IGSF11: variants seen among roughly 807,000 people sequenced by gnomAD.
IGSF11 encodes the protein immunoglobulin superfamily member 11.
Under a neutral mutation model 41.0 loss-of-function variants are expected in IGSF11, and 22 were observed. The observed-to-expected ratio is 0.54, with a 90% confidence interval of 0.38 to 0.77. The LOEUF (loss-of-function observed/expected upper bound fraction) is 0.77. Among genes scored for constraint, IGSF11 ranks in the 30% least tolerant of loss-of-function variants. IGSF11 has a pLI of 0.00. For synonymous variants in IGSF11, 219 were observed against 201.3 expected (o/e 1.09, Z -0.74); for missense variants, 444 against 530.8 (o/e 0.84, Z 1.61).
intron 1 of IGSF11, among the ~76,000 whole-genome samples, chr3:119,073,789 C>T (rs1047849957): frequency 6.6e-6 from 1 of 152,184 alleles, no homozygotes; most frequent in Non-Finnish European, 1.5e-5. Context: ...TCTCCCTCCA[C>T]ACCTCCCACA....
At chr3:119,129,787 C>T (rs1010114310) in intron 1 of IGSF11, among the ~76,000 whole-genome samples, 1 of 152,066 alleles carries the variant, frequency 6.6e-6, no homozygotes, top group Non-Finnish European at 1.5e-5. Context: ...GAGTTCCAGA[C>T]CAGCTTGGAA....
intron 1 of IGSF11, among the ~76,000 whole-genome samples, chr3:119,138,397 G>A (rs932696556): frequency 9.9e-5 from 15 of 152,102 alleles, no homozygotes; most frequent in Admixed American, 9.8e-4. Flanking sequence ...CATAAAAAAC[G>A]AATGGGGCCA....
At chr3:119,047,644 G>C (rs1358143446) in intron 1 of IGSF11, among the ~76,000 whole-genome samples, 11 of 152,182 alleles carry the variant, frequency 7.2e-5, no homozygotes, top group Middle Eastern at 3.4e-3. Context: ...GCACCAAGAG[G>C]ACGTAATAGA....
chr3:119,145,526 C>G (rs1284509806), intron 1 of IGSF11, among the ~76,000 whole-genome samples: 1 of 152,232 alleles, frequency 6.6e-6, no homozygotes, highest in African/African-American at 2.4e-5. Context: ...GATTTGGCCT[C>G]CTTCTAACTC....
chr3:118,993,819 T>A (rs768811581), intron 1 of IGSF11, among the ~76,000 whole-genome samples: 7 of 152,132 alleles, frequency 4.6e-5, no homozygotes, highest in African/African-American at 1.7e-4. Context: ...TCTATATAGA[T>A]AGAAACTAGA....
At chr3:118,977,065 G>A (rs1051964807) in intron 1 of IGSF11, among the ~76,000 whole-genome samples, 4 of 152,202 alleles carry the variant, frequency 2.6e-5, no homozygotes, top group Non-Finnish European at 5.9e-5. Flanking sequence ...CATTAGGACA[G>A]TGATCATTTA....
chr3:119,005,321 TCTTCCTCCA>T (rs1937385483), intron 1 of IGSF11, among the ~76,000 whole-genome samples: 2 of 149,290 alleles, frequency 1.3e-5, no homozygotes, highest in Admixed American at 1.3e-4. Flanking sequence ...GCTTGGTAGA[TCTTCCTCCA>T]CCCTTTTATT....
intron 1 of IGSF11, among the ~76,000 whole-genome samples, chr3:118,989,527 A>G (rs1042779388): frequency 6.6e-6 from 1 of 151,880 alleles, no homozygotes; most frequent in Non-Finnish European, 1.5e-5. Flanking sequence ...TAATTTTTGT[A>G]TTTTTAGTAG....
At chr3:118,960,794 A>G (rs1463943925) in intron 1 of IGSF11, among the ~76,000 whole-genome samples, 4 of 152,212 alleles carry the variant, frequency 2.6e-5, no homozygotes, top group Non-Finnish European at 5.9e-5. Flanking sequence ...GTGGTAACAT[A>G]TTACAAATTT....
intron 1 of IGSF11, among the ~76,000 whole-genome samples, chr3:119,139,198 T>C (rs1038784349): frequency 2.0e-5 from 3 of 152,110 alleles, no homozygotes; most frequent in African/African-American, 7.2e-5. Flanking sequence ...AGTTTATATA[T>C]TTCCCGGTAA....
chr3:118,916,372 C>A (rs1941094490), intron 4 of IGSF11, among the ~76,000 whole-genome samples: 1 of 152,068 alleles, frequency 6.6e-6, no homozygotes. Flanking sequence ...ATCTCACGTG[C>A]AGAGATACAC....
In IGSF11 at chr3:119,004,826, G is replaced by C. The variant is rs145321853; in HGVS notation, c.52+29705C>G. Among the ~76,000 whole-genome samples the C allele has an allele frequency of 5.6e-3, 851 of 152,116 alleles. 7 individuals carry two copies. The highest frequency in any genetic ancestry group is 0.019 in the African/African-American group (788 of 41,446). ...AGTTTGATTGCACTGTGGTCTGAGA[G>C]ATAGTTTGTTATAATTTCTGTTCTG... On this transcript the variant is annotated intron_variant, in intron 1 of 6. Transcript: ENST00000393775.
At position 118,952,112 on chromosome 3, in the gene IGSF11, A is replaced by G. The variant is rs61023805; in HGVS notation, c.53-21837T>C. ...TGTAGTCTATTAAGTATGCAGTAGC[A>G]TTATATAAAAACAGTACATATCTTA... On this transcript the variant is annotated intron_variant, in intron 1 of 6. Coordinates refer to ENST00000393775, the MANE Select transcript of IGSF11 (RefSeq NM_001015887.3). 5.0e-3 allele frequency among the ~76,000 whole-genome samples: 764 copies of G among 152,298 alleles called. 5 individuals carry two copies. The highest frequency in any genetic ancestry group is 0.017 in the African/African-American group (719 of 41,584).
intron 1 of IGSF11, chr3:118,947,134 G>A (rs1944212478): frequency 6.6e-6 from 1 of 152,098 alleles, no homozygotes; most frequent in South Asian, 2.1e-4. Context: ...TGAACCCAAC[G>A]CCTATCCTCC....
At chr3:119,031,680 T>C (rs915364514) in intron 1 of IGSF11, among the ~76,000 whole-genome samples, 1 of 152,240 alleles carries the variant, frequency 6.6e-6, no homozygotes, top group Non-Finnish European at 1.5e-5. Flanking sequence ...GTTGAATATA[T>C]ATGTGTATTA....
intron 1 of IGSF11, among the ~76,000 whole-genome samples, chr3:119,066,126 T>C (rs1267796832): frequency 3.3e-5 from 5 of 152,140 alleles, no homozygotes; most frequent in Admixed American, 3.3e-4. Flanking sequence ...CAAGTAACTG[T>C]ATTTCTTTTT....
At chr3:118,989,354 A>G (rs1414793099) in intron 1 of IGSF11, among the ~76,000 whole-genome samples, 1 of 83,442 alleles carries the variant, frequency 1.2e-5, no homozygotes, top group East Asian at 3.5e-4. Context: ...AAACCTTTAT[A>G]GCATTTTTTT....
In IGSF11 at chr3:119,034,671, C is replaced by G; in HGVS notation, c.-89G>C. On this transcript the variant is annotated 5_prime_UTR_variant, in exon 1 of 7. Transcript: ENST00000393775. ...GGCGTGAGTCTCCGCGCTCTTGGGG[C>G]AGCCTGGTCCTCCCACACCCAGCGC... 6.9e-7 allele frequency: 1 copy of G among 1,442,572 alleles called. No homozygotes were observed. Among genetic ancestry groups the G allele is most frequent in the Non-Finnish European group, 9.2e-7 (1 of 1,088,988 alleles). 89.4% of individuals were successfully genotyped at this position (1,442,572 alleles called of 1,614,324 possible).
intron 3 of IGSF11, among the ~76,000 whole-genome samples, chr3:118,926,660 C>T (rs568191190): frequency 1.3e-5 from 2 of 152,142 alleles, no homozygotes; most frequent in Non-Finnish European, 2.9e-5. Context: ...CCTGCCCTGG[C>T]GAAAACCACT....
Sources: gnomAD v4.1 joint callset for allele counts (sites outside exome capture counted in the v4.1 genomes callset) on GRCh38, gnomAD v4.1.1 for gene constraint, MANE v1.5 for transcripts, NCBI Gene and HGNC (gene_info 2026-07-23, HGNC 2026-07-21) for gene names.